Variants in SIRPG observed in about 807,000 individuals in gnomAD.
The protein encoded by SIRPG is signal-regulatory protein gamma.
A neutral mutation model predicts 35.7 loss-of-function variants in SIRPG; 38 were observed. The ratio of observed to expected loss-of-function variants is 1.06; its 90% CI spans 0.82 to 1.40. The LOEUF is 1.40. Ranked by LOEUF, SIRPG falls within the 40% of genes most tolerant of loss-of-function variation. The pLI, the probability that SIRPG is intolerant of heterozygous loss-of-function variation, is 0.00. For synonymous variants in SIRPG, 215 were observed against 190.4 expected, an observed-to-expected ratio of 1.13 and a Z score of -1.06; for missense variants, 519 against 483.0, an observed-to-expected ratio of 1.07 and a Z score of -0.70.
chr20:1,667,146 C>T, the SIRPG span, among the ~76,000 whole-genome samples: 1 of 152,308 alleles, frequency 6.6e-6, no homozygotes, highest in East Asian at 1.9e-4. Flanking sequence ...ATCCCCCTGC[C>T]TTGGCCTCTC....
chr20:1,668,846 G>A, the SIRPG span, among the ~76,000 whole-genome samples: 2 of 152,178 alleles, frequency 1.3e-5, no homozygotes, highest in East Asian at 1.9e-4. Flanking sequence ...AGCAGTGGAC[G>A]TGACTATGCA....
In SIRPG at chr20:1,649,426, G is replaced by A. The variant is rs1444445308; in HGVS notation, c.74-18C>T. 1 of 1,579,378 alleles carries A rather than the reference G, an allele frequency of 6.3e-7. No homozygotes were observed. The highest frequency in any genetic ancestry group is 1.4e-5 in the African/African-American group (1 of 73,598). ...TGCCACTTCTGAAAAGGAGCACAAAGCAATCATTTTTTCATCCTTACATAA... is the reference window on the plus strand; with the variant it reads ...TGCCACTTCTGAAAAGGAGCACAAAACAATCATTTTTTCATCCTTACATAA... On this transcript the variant is annotated intron_variant, in intron 1 of 5. Transcript: ENST00000303415.
Position 1,635,619 on chromosome 20 carries a change from A to G in SIRPG, c.749-20T>C, listed in dbSNP as rs927031780. On this transcript the variant is annotated intron_variant, in intron 3 of 5. Coordinates refer to ENST00000303415, the MANE Select transcript of SIRPG (RefSeq NM_018556.4). ...GTGGAACTGAAACAGCACAGGGTAG[A>G]AGCTCTGATCTTCTGGCACAGACAG... 6 of 1,611,398 alleles carry G rather than the reference A, an allele frequency of 3.7e-6. No individual in the cohort carries two copies. The highest frequency in any genetic ancestry group is 4.2e-6 in the Non-Finnish European group (5 of 1,178,182).
chr20:1,631,553 C>T (rs2091750267), intron 4 of SIRPG, among the ~76,000 whole-genome samples: 1 of 152,192 alleles, frequency 6.6e-6, no homozygotes, highest in African/African-American at 2.4e-5. Context: ...CCCTACAGCT[C>T]TTCAGGATGC....
chr20:1,643,991 G>T (rs2091877143), intron 2 of SIRPG, among the ~76,000 whole-genome samples: 2 of 152,160 alleles, frequency 1.3e-5, no homozygotes, highest in Admixed American at 6.5e-5. Flanking sequence ...AATGCCAGTA[G>T]GAGCACTCCT....
rs2091923065 is a variant in SIRPG, at chr20:1,649,409, C to T, written c.74-1G>A. ...TGTAGCTCCTCCTCACCTGCCACTTCTGAAAAGGAGCACAAAGCAATCATT... is the reference window on the plus strand; with the variant it reads ...TGTAGCTCCTCCTCACCTGCCACTTTTGAAAAGGAGCACAAAGCAATCATT... On this transcript the variant is annotated splice_acceptor_variant, in intron 1 of 5. Coordinates refer to ENST00000303415, the MANE Select transcript of SIRPG (RefSeq NM_018556.4). LOFTEE classifies it high-confidence loss of function. 1 of 1,597,940 alleles carries T rather than the reference C, an allele frequency of 6.3e-7. No individual in the cohort carries two copies. The highest frequency in any genetic ancestry group is 8.5e-7 in the Non-Finnish European group (1 of 1,170,552).
the SIRPG span, among the ~76,000 whole-genome samples, chr20:1,668,407 G>A: frequency 0.12 from 18,882 of 151,300 alleles, 1,489 homozygotes; most frequent in Non-Finnish European, 0.17. Flanking sequence ...TTCAGCTTCC[G>A]GCGTAGCTGA....
At chr20:1,647,492 A>C (rs1305553175) in intron 2 of SIRPG, 1 of 152,122 alleles carries the variant, frequency 6.6e-6, no homozygotes, top group Non-Finnish European at 1.5e-5. Flanking sequence ...TCTAGGAGGG[A>C]AATTAGATAA....
chr20:1,671,541 G>A, the SIRPG span, among the ~76,000 whole-genome samples: 234 of 152,278 alleles, frequency 1.5e-3, no homozygotes, highest in Admixed American at 3.9e-3. Flanking sequence ...CTCGGTCAGG[G>A]AGACCCTAAC....
intron 3 of SIRPG, among the ~76,000 whole-genome samples, chr20:1,635,910 A>G (rs989832945): frequency 1.3e-5 from 2 of 152,210 alleles, no homozygotes; most frequent in East Asian, 1.9e-4. Context: ...CGCCGAGCAC[A>G]TAGGGACTTG....
intron 1 of SIRPG, among the ~76,000 whole-genome samples, chr20:1,655,939 GT>G (rs1383411630): frequency 6.6e-6 from 1 of 151,950 alleles, no homozygotes; most frequent in Non-Finnish European, 1.5e-5. Flanking sequence ...TATATAATGT[GT>G]ATATATACAC....
At chr20:1,640,216 A>G (rs556461136) in intron 2 of SIRPG, among the ~76,000 whole-genome samples, 3 of 151,438 alleles carry the variant, frequency 2.0e-5, no homozygotes, top group South Asian at 4.2e-4. Flanking sequence ...CTTTTTCATG[A>G]CATTCATCCT....
At chr20:1,662,041 C>A (rs2091997466), upstream of SIRPG, among the ~76,000 whole-genome samples, 2 of 152,220 alleles carry the variant, frequency 1.3e-5, no homozygotes, top group East Asian at 1.9e-4. Context: ...CCTGCACAAC[C>A]CCTGCAAAAA....
At chr20:1,660,147 C>T (rs370138131), upstream of SIRPG, among the ~76,000 whole-genome samples, 13 of 152,158 alleles carry the variant, frequency 8.5e-5, no homozygotes, top group South Asian at 2.3e-3. Flanking sequence ...AATAGGCGGG[C>T]ATGAGGTAAC....
the SIRPG span, among the ~76,000 whole-genome samples, chr20:1,679,212 G>T: frequency 6.6e-6 from 1 of 152,118 alleles, no homozygotes; most frequent in Non-Finnish European, 1.5e-5. Context: ...GAGTGCTTTG[G>T]GTGGAAATGA....
At chr20:1,660,240 A>G (rs975224869), upstream of SIRPG, among the ~76,000 whole-genome samples, 4 of 152,206 alleles carry the variant, frequency 2.6e-5, no homozygotes, top group Non-Finnish European at 4.4e-5. Context: ...AAAAAACTTA[A>G]TAGGTTGACT....
chr20:1,681,246 T>C, the SIRPG span, among the ~76,000 whole-genome samples: 2 of 152,188 alleles, frequency 1.3e-5, no homozygotes, highest in Admixed American at 6.5e-5. Context: ...CACACACTCA[T>C]ACTAGCAGCA....
the SIRPG span, among the ~76,000 whole-genome samples, chr20:1,667,626 G>C: frequency 3.9e-5 from 6 of 152,168 alleles, no homozygotes; most frequent in Non-Finnish European, 5.9e-5. Context: ...CTCCCTTTAA[G>C]GGAGTCTTCA....
chr20:1,658,830 A>G (rs2091988213), upstream of SIRPG, among the ~76,000 whole-genome samples: 1 of 152,112 alleles, frequency 6.6e-6, no homozygotes, highest in South Asian at 2.1e-4. Context: ...TCTCCCAGCA[A>G]CCCAGGCCTC....
Sources: allele counts gnomAD v4.1 joint callset (sites outside exome capture counted in the v4.1 genomes callset), GRCh38; gene constraint gnomAD v4.1.1; transcripts MANE v1.5; gene names NCBI Gene and HGNC (gene_info 2026-07-23, HGNC 2026-07-21).